TRPM6: variants seen among roughly 807,000 people sequenced by gnomAD.
The protein encoded by TRPM6 is transient receptor potential cation channel subfamily M member 6.
In TRPM6, 111 loss-of-function variants were observed where a neutral mutation model predicts 247.6. The observed-to-expected ratio is 0.45, with a 90% CI of 0.38 to 0.52. TRPM6 has a LOEUF of 0.52. TRPM6 is among the 20% of genes least tolerant of loss of function. The pLI is 0.00. For synonymous variants in TRPM6, 892 were observed against 853.8 expected (o/e 1.04, Z -0.78); for missense variants, 2,126 against 2,421.5 (o/e 0.88, Z 2.56).
intron 36 of TRPM6, among the ~76,000 whole-genome samples, chr9:74,734,830 C>A (rs1448943685): frequency 6.6e-6 from 1 of 152,110 alleles, no homozygotes; most frequent in African/African-American, 2.4e-5. Context: ...AAACTTTATA[C>A]CCCTAAACCC....
chr9:74,752,073 G>C (rs1358524248), intron 29 of TRPM6, among the ~76,000 whole-genome samples: 1 of 152,064 alleles, frequency 6.6e-6, no homozygotes, highest in Non-Finnish European at 1.5e-5. Flanking sequence ...ATTGCATAAA[G>C]AAAAATGTCA....
chr9:74,728,586 G>A (rs1451567029), intron 37 of TRPM6, among the ~76,000 whole-genome samples: 3 of 152,124 alleles, frequency 2.0e-5, no homozygotes, highest in Non-Finnish European at 2.9e-5. Context: ...GCATTTCAAC[G>A]CTAATCTGAT....
At chr9:74,728,869 C>T (rs1209652755) in intron 37 of TRPM6, among the ~76,000 whole-genome samples, 1 of 152,198 alleles carries the variant, frequency 6.6e-6, no homozygotes, top group Non-Finnish European at 1.5e-5. Flanking sequence ...TCTTTCAAAG[C>T]CACTTGCTCT....
chr9:74,827,095 C>A (rs555621868), intron 7 of TRPM6: 7 of 152,952 alleles, frequency 4.6e-5, no homozygotes, highest in South Asian at 2.1e-4. Flanking sequence ...TGCCTAGGGC[C>A]ACCCCACCAA....
intron 11 of TRPM6, among the ~76,000 whole-genome samples, chr9:74,816,074 C>G (rs1278022199): frequency 6.6e-6 from 1 of 152,162 alleles, no homozygotes; most frequent in African/African-American, 2.4e-5. Context: ...AATTGTACGC[C>G]AGGCACAGTG....
chr9:74,868,255 G>C (rs970137049), intron 1 of TRPM6, among the ~76,000 whole-genome samples: 1 of 151,962 alleles, frequency 6.6e-6, no homozygotes, highest in Admixed American at 6.6e-5. Context: ...AACACTTAGG[G>C]AGGCCGAGGC....
chr9:74,725,616 C>A lies in TRPM6; in HGVS notation c.5936-870G>T, dbSNP rs186870908. Among the ~76,000 whole-genome samples the A allele has an allele frequency of 5.3e-5, 8 of 151,996 alleles. 1 individual carries two copies. In the East Asian group the frequency reaches 1.6e-3, roughly 30 times the overall value. On this transcript the variant is annotated intron_variant, in intron 38 of 38. Coordinates refer to ENST00000360774, the MANE Select transcript of TRPM6 (RefSeq NM_017662.5). The stretch of plus-strand genomic sequence containing the variant: ...TTCTTGTGATAGTGAATGAGTCTCA[C>A]AAGATCTGATAGTTTTAAAAACGAG...
intron 6 of TRPM6, among the ~76,000 whole-genome samples, chr9:74,833,397 G>A (rs1357549575): frequency 6.6e-6 from 1 of 152,146 alleles, no homozygotes; most frequent in Non-Finnish European, 1.5e-5. Flanking sequence ...TACACAAGAA[G>A]GAATGAAGCA....
chr9:74,743,469 G>A (rs1300985518), intron 32 of TRPM6, among the ~76,000 whole-genome samples: 1 of 152,166 alleles, frequency 6.6e-6, no homozygotes, highest in Non-Finnish European at 1.5e-5. Context: ...AAGTCCAGTT[G>A]GTTTTTATAT....
At chr9:74,751,401 A>G (rs1826239104) in intron 29 of TRPM6, among the ~76,000 whole-genome samples, 1 of 152,206 alleles carries the variant, frequency 6.6e-6, no homozygotes, top group African/African-American at 2.4e-5. Context: ...AGAAAGTGGC[A>G]GAGCCAGAAT....
chr9:74,786,566 C>T (rs997013310), intron 20 of TRPM6, among the ~76,000 whole-genome samples: 15 of 151,664 alleles, frequency 9.9e-5, no homozygotes, highest in African/African-American at 3.4e-4. Flanking sequence ...CGGTGAAACC[C>T]CATCTCTACT....
chr9:74,822,125 C>A (rs936159976), intron 7 of TRPM6, among the ~76,000 whole-genome samples: 5 of 152,168 alleles, frequency 3.3e-5, no homozygotes, highest in African/African-American at 1.2e-4. Context: ...ATAAGTATTC[C>A]ATTACGGGAA....
Position 74,796,902 on chromosome 9 carries a change from G to C in TRPM6, c.2239-9C>G. 1 of 1,610,586 alleles carries C rather than the reference G, an allele frequency of 6.2e-7. No homozygotes were observed. The highest frequency in any genetic ancestry group is 8.5e-7 in the Non-Finnish European group (1 of 1,177,710). On this transcript the variant is annotated splice_polypyrimidine_tract_variant and intron_variant, in intron 17 of 38. Coordinates refer to ENST00000360774, the MANE Select transcript of TRPM6 (RefSeq NM_017662.5). ...ATAATGCTTATAATAATCTGTAAAA[G>C]AAAAAAAAGCAAAACAAAGTAGTAG...
chr9:74,743,414 T>G (rs972773365), intron 32 of TRPM6, among the ~76,000 whole-genome samples: 7 of 152,250 alleles, frequency 4.6e-5, no homozygotes, highest in African/African-American at 1.7e-4. Flanking sequence ...TATTATCTCA[T>G]CCAATGCTGA....
chr9:74,736,326 C>T (rs889898875), intron 36 of TRPM6, among the ~76,000 whole-genome samples: 1 of 152,180 alleles, frequency 6.6e-6, no homozygotes, highest in Non-Finnish European at 1.5e-5. Flanking sequence ...CTCCTAACTG[C>T]TGCTGGTGAG....
chr9:74,830,855 G>A (rs556628528), intron 6 of TRPM6, among the ~76,000 whole-genome samples: 21 of 129,874 alleles, frequency 1.6e-4, no homozygotes, highest in African/African-American at 4.5e-4. Flanking sequence ...CCTCGGCCTC[G>A]GCCTCCCAAA....
At chr9:74,761,652 C>G (rs1238631538) in intron 27 of TRPM6, 44 bp downstream of exon 27, 1 of 1,249,444 alleles carries the variant, frequency 8.0e-7, no homozygotes, top group Admixed American at 1.7e-5. Context: ...AGGCCACTAC[C>G]TTGACTGCTC....
chr9:74,856,428 A>G (rs930493275), intron 2 of TRPM6, among the ~76,000 whole-genome samples: 3 of 149,758 alleles, frequency 2.0e-5, no homozygotes, highest in Non-Finnish European at 4.4e-5. Flanking sequence ...GGACACAGCA[A>G]GATCCTGTCT....
intron 3 of TRPM6, among the ~76,000 whole-genome samples, chr9:74,853,049 G>C (rs965725585): frequency 2.0e-4 from 30 of 150,156 alleles, no homozygotes; most frequent in African/African-American, 6.9e-4. Flanking sequence ...TGTGGGGAGC[G>C]CCTCTGCCCC....
Sources: gnomAD v4.1 joint callset for allele counts (sites outside exome capture counted in the v4.1 genomes callset) on GRCh38, gnomAD v4.1.1 for gene constraint, MANE v1.5 for transcripts, NCBI Gene and HGNC (gene_info 2026-07-23, HGNC 2026-07-21) for gene names.